Variants in CABLES2 observed in about 807,000 individuals in gnomAD.
CABLES2 encodes the protein CDK5 and ABL1 enzyme substrate 2.
CABLES2 carries 35 observed loss-of-function variants against 44.8 expected under a neutral mutation model. That is an observed-to-expected ratio of 0.78 (90% CI 0.60 to 1.04). CABLES2 has a LOEUF of 1.04. Ranked by LOEUF, CABLES2 falls within the 50% of genes least tolerant of loss-of-function variation. The pLI, the probability that CABLES2 is intolerant of heterozygous loss-of-function variation, is 0.00. For synonymous variants in CABLES2, 282 were observed against 281.1 expected, an observed-to-expected ratio of 1.00 and a Z score of -0.03; for missense variants, 566 against 615.7, an observed-to-expected ratio of 0.92 and a Z score of 0.85.
intron 1 of CABLES2, among the ~76,000 whole-genome samples, chr20:62,397,984 C>CATGAT (rs1988064557): frequency 2.3e-5 from 1 of 43,794 alleles, no homozygotes; most frequent in African/African-American, 1.2e-4. Context: ...GTGGTGATGG[C>CATGAT]GGTGGTGGTG....
chr20:62,394,950 C>T lies in CABLES2; in HGVS notation c.592G>A (p.Gly198Ser). Residue 198 changes from glycine to serine, a missense_variant, in exon 4 of 10, where the codon GGC (glycine) becomes AGC (serine). Gly to Ser is a moderately conservative substitution (Grantham distance 56, BLOSUM62 0). Around this residue, in one of 2 missense-constraint regions of CABLES2, gnomAD observed 436 missense variants for 536.3 expected, o/e 0.81. Coordinates refer to ENST00000279101, the MANE Select transcript of CABLES2 (RefSeq NM_031215.3). The part of the protein sequence containing the change: ...AAFSVLPYGE[G>S]LRISDLRVDS... The stretch of plus-strand genomic sequence containing the variant: ...CTGAGTACTCACCTGATCCGCAGGC[C>T]TTCCCCATAGGGCAGGACCGAGAAG... 1 of 1,612,910 alleles carries T rather than the reference C, an allele frequency of 6.2e-7. No individual in the cohort carries two copies. The highest frequency in any genetic ancestry group is 8.5e-7 in the Non-Finnish European group (1 of 1,179,904).
rs574897523 is a variant in CABLES2, at chr20:62,392,929, C to T, written c.975G>A (p.Ala325=). Reference sequence around the variant, plus strand: ...GGGAGAGGGCACTCACCATGTACGACGCAAAGATGAGGACACGTTTGTGCT... The same window carrying T: ...GGGAGAGGGCACTCACCATGTACGATGCAAAGATGAGGACACGTTTGTGCT... ...CGKHKRVLIF[A]SYMTTVIEYV... The change falls in exon 7 of 10, where the codon GCG becomes GCA. Residue 325 remains alanine (A), a synonymous_variant. Transcript: ENST00000279101. The T allele has an allele frequency of 2.8e-5, 45 of 1,613,822 alleles. No individual in the cohort carries two copies. The highest frequency in any genetic ancestry group is 7.7e-5 in the South Asian group (7 of 91,088).
At chr20:62,399,625 A>C (rs1988152647) in intron 1 of CABLES2, among the ~76,000 whole-genome samples, 1 of 117,282 alleles carries the variant, frequency 8.5e-6, no homozygotes, top group Admixed American at 1.1e-4. Flanking sequence ...ACAGAGTCTC[A>C]CTCTGTGGCC....
intron 1 of CABLES2, among the ~76,000 whole-genome samples, chr20:62,400,716 G>C (rs1988173325): frequency 6.6e-6 from 1 of 152,178 alleles, no homozygotes. Context: ...AGCCTGCCTG[G>C]TGGTACCGTT....
In CABLES2 at chr20:62,389,760, C is replaced by T. The variant is rs1052069886; in HGVS notation, c.*1211G>A. The stretch of plus-strand genomic sequence containing the variant: ...TTTTTGATGAGGCAGCTAGCTGGAG[C>T]GCTGGACCATGCAGAATTTGTTGCA... On this transcript the variant is annotated 3_prime_UTR_variant, in exon 10 of 10. Coordinates refer to ENST00000279101, the MANE Select transcript of CABLES2 (RefSeq NM_031215.3). 3.3e-5 allele frequency: 5 copies of T among 152,240 alleles called. No homozygotes were observed. Among genetic ancestry groups the T allele is most frequent in the Admixed American group, 1.3e-4 (2 of 15,276 alleles). The allele number at this position is 152,240 out of a possible 1,614,324, so 9.4% of individuals were successfully genotyped here. A position where few individuals can be genotyped will look rare whatever the true frequency, so the allele number is the denominator to read the frequency against.
intron 7 of CABLES2, 56 bp downstream of exon 7, chr20:62,392,864 C>A: frequency 6.6e-7 from 1 of 1,514,024 alleles, no homozygotes; most frequent in Non-Finnish European, 9.2e-7. Context: ...CCACACGCCC[C>A]GAGCCAGGAC....
intron 1 of CABLES2, chr20:62,406,034 G>A (rs1215638117): frequency 6.5e-6 from 1 of 153,864 alleles, no homozygotes; most frequent in East Asian, 1.9e-4. Flanking sequence ...CCCTGGGATG[G>A]GCTGAGGTGG....
At position 62,389,193 on chromosome 20, in the gene CABLES2, G is replaced by C. The variant is rs1329665998; in HGVS notation, c.*1778C>G. 6.6e-6 allele frequency: 1 copy of C among 152,542 alleles called. No individual in the cohort carries two copies. Among genetic ancestry groups the C allele is most frequent in the Non-Finnish European group, 1.5e-5 (1 of 68,268 alleles). The allele number at this position is 152,542 out of a possible 1,614,324, so 9.4% of individuals were successfully genotyped here. ...TGGGATCTGGGTGGCAGGAGAGGTT[G>C]CTTTTCAGAGGAAAGCTGCCTGGGA... On this transcript the variant is annotated 3_prime_UTR_variant, in exon 10 of 10. Transcript: ENST00000279101.
chr20:62,391,456 G>C lies in CABLES2; in HGVS notation c.1092-3C>G, dbSNP rs1182493046. On this transcript the variant is annotated splice_polypyrimidine_tract_variant and splice_region_variant and intron_variant, in intron 8 of 9. Coordinates refer to ENST00000279101, the MANE Select transcript of CABLES2 (RefSeq NM_031215.3). This position sits in a 1 kb window ranked among gnomAD's most constrained non-coding sequence, Gnocchi z 5.7. ...GGCTCCGCATCTCCCGCTTTAAGCT[G>C]TGGGTTAAGACAGAAGCCATGTCCC... 9 of 1,612,960 alleles carry C rather than the reference G, an allele frequency of 5.6e-6. No homozygotes were observed. The highest frequency in any genetic ancestry group is 7.6e-6 in the Non-Finnish European group (9 of 1,179,954).
intron 6 of CABLES2, 128 bp downstream of exon 6, chr20:62,393,312 C>T: frequency 1.9e-6 from 2 of 1,071,208 alleles, no homozygotes; most frequent in South Asian, 1.5e-5. Context: ...TGACCCTGTT[C>T]CCCAGGCTCC....
chr20:62,397,272 G>C (rs1439428663), intron 1 of CABLES2, among the ~76,000 whole-genome samples: 2 of 152,084 alleles, frequency 1.3e-5, no homozygotes. Flanking sequence ...TCAAGGCACT[G>C]GTCACTACAG....
intron 3 of CABLES2, 151 bp from the exon 4 acceptor site, chr20:62,395,165 C>G (rs1321326979): frequency 6.1e-6 from 4 of 659,186 alleles, no homozygotes; most frequent in South Asian, 3.7e-5. Context: ...GGACTTGAGC[C>G]CAGGAGGCCG....
chr20:62,396,108 C>T lies in CABLES2; in HGVS notation c.527+207G>A, dbSNP rs147495318. On this transcript the variant is annotated intron_variant, in intron 3 of 9. Coordinates refer to ENST00000279101, the MANE Select transcript of CABLES2 (RefSeq NM_031215.3). The surrounding 1 kb of genome is among the most constrained non-coding windows in gnomAD (Gnocchi z 5.7). ...CCTGGGAGCCCAGAGAGGGTGATCTCGCTGTGGTGACACCAGGGACCTGCG... is the reference window on the plus strand; with the variant it reads ...CCTGGGAGCCCAGAGAGGGTGATCTTGCTGTGGTGACACCAGGGACCTGCG... Among the ~76,000 whole-genome samples, 102 of 152,304 alleles carry T rather than the reference C, an allele frequency of 6.7e-4. No individual in the cohort carries two copies. The highest frequency in any genetic ancestry group is 2.1e-3 in the African/African-American group (87 of 41,558).
rs546426018 is a variant in CABLES2, at chr20:62,396,973, C to G, written c.363-381G>C. Reference sequence around the variant, plus strand: ...ACAGGCCCATCCCACCCAGCGCTGCCTGAGACTGGTGCTGCCTGCCCCTCC... The same window carrying G: ...ACAGGCCCATCCCACCCAGCGCTGCGTGAGACTGGTGCTGCCTGCCCCTCC... On this transcript the variant is annotated intron_variant, in intron 1 of 9. Transcript: ENST00000279101. The surrounding 1 kb of genome is among the most constrained non-coding windows in gnomAD (Gnocchi z 5.7). Among the ~76,000 whole-genome samples, 1 of 152,278 alleles carries G rather than the reference C, an allele frequency of 6.6e-6. No individual in the cohort carries two copies. Among genetic ancestry groups the G allele is most frequent in the East Asian group, 1.9e-4 (1 of 5,170 alleles).
rs539527352 is a variant in CABLES2 at position 62,394,352 on chromosome 20, G to A, written c.606-87C>T. On this transcript the variant is annotated intron_variant, in intron 4 of 9. Coordinates refer to ENST00000279101, the MANE Select transcript of CABLES2 (RefSeq NM_031215.3). ...GCCCACCTGTCCGCTGGCCCGAGGTGCTCTCGGGAACAATGTCAGCACAGC... is the reference window on the plus strand; with the variant it reads ...GCCCACCTGTCCGCTGGCCCGAGGTACTCTCGGGAACAATGTCAGCACAGC... The A allele has an allele frequency of 3.8e-5, 39 of 1,026,072 alleles. 1 individual carries two copies. In the East Asian group the frequency reaches 8.8e-4, roughly 23 times the overall value. The allele number at this position is 1,026,072 out of a possible 1,614,324, so 63.6% of individuals were successfully genotyped here. A position where few individuals can be genotyped will look rare whatever the true frequency, so the allele number is the denominator to read the frequency against.
At position 62,396,851 on chromosome 20, in the gene CABLES2, T is replaced by C. The variant is rs1367656530; in HGVS notation, c.363-259A>G. ...CCCTGGGGGACAGGCTCCTCAGGCA[T>C]AGGATAGCACAGCACAGCACAGCAC... On this transcript the variant is annotated intron_variant, in intron 1 of 9. Transcript: ENST00000279101. This position sits in a 1 kb window ranked among gnomAD's most constrained non-coding sequence, Gnocchi z 5.7. 1.3e-5 allele frequency among the ~76,000 whole-genome samples: 2 copies of C among 152,114 alleles called. No homozygotes were observed. The highest frequency in any genetic ancestry group is 4.2e-4 in the South Asian group (2 of 4,812).
In CABLES2 at chr20:62,398,033, AGTGATG is replaced by A. The variant is rs1488869950; in HGVS notation, c.363-1447_363-1442del. 5.7e-5 allele frequency among the ~76,000 whole-genome samples: 3 copies of A among 53,016 alleles called. No individual in the cohort carries two copies. The Admixed American group carries it at 6.4e-4, about 11-fold the overall frequency. 34.8% of individuals were successfully genotyped at this position (53,016 alleles called of 152,430 possible). A position where few individuals can be genotyped will look rare whatever the true frequency, so the allele number is the denominator to read the frequency against. On this transcript the variant is annotated intron_variant, in intron 1 of 9. Coordinates refer to ENST00000279101, the MANE Select transcript of CABLES2 (RefSeq NM_031215.3). ...TTATGGCGGTGGTGGTGGTGGTGAC[AGTGATG>A]GTGATGGTGGTGATGGCGATGGTGG...
chr20:62,392,708 C>T (rs1987941726), intron 7 of CABLES2, among the ~76,000 whole-genome samples: 1 of 152,216 alleles, frequency 6.6e-6, no homozygotes, highest in South Asian at 2.1e-4. Flanking sequence ...TTGCCAGGTG[C>T]CGAGGGCGGA....
chr20:62,399,738 C>T (rs1490457947), intron 1 of CABLES2, among the ~76,000 whole-genome samples: 1 of 151,882 alleles, frequency 6.6e-6, no homozygotes, highest in African/African-American at 2.4e-5. Context: ...AGAGTACAGG[C>T]GCCTGTCACC....
Sources: allele counts gnomAD v4.1 joint callset (sites outside exome capture counted in the v4.1 genomes callset), GRCh38; gene constraint gnomAD v4.1.1; regional missense constraint gnomAD v4.1.1; non-coding constraint Gnocchi (gnomAD v3.1); transcripts MANE v1.5; gene names NCBI Gene and HGNC (gene_info 2026-07-23, HGNC 2026-07-21).